Variants in DACH1 observed in about 807,000 individuals in gnomAD.
The protein encoded by DACH1 is dachshund homolog 1.
Under a neutral mutation model 54.2 loss-of-function variants are expected in DACH1, and 12 were observed. The observed-to-expected ratio is 0.22, with a 90% confidence interval of 0.14 to 0.36. DACH1 has a LOEUF of 0.36. Ranked by LOEUF, DACH1 falls within the 10% of genes least tolerant of loss-of-function variation. DACH1 has a pLI of 1.00. For missense variants in DACH1, 805 were observed against 929.8 expected (o/e 0.87, Z 1.75); for synonymous variants, 386 against 366.2 (o/e 1.05, Z -0.62).
rs903271280 is a variant in DACH1, at chr13:71,735,645, G to A, written c.849-53735C>T. On this transcript the variant is annotated intron_variant, in intron 1 of 10. Coordinates refer to ENST00000613252, the MANE Select transcript of DACH1 (RefSeq NM_080759.6). ...TGGCATATGTGTATATGGGATATAC[G>A]TGTATATATATGGGATTATATATAT... Among the ~76,000 whole-genome samples the A allele has an allele frequency of 8.4e-4, 125 of 149,700 alleles. 1 individual carries two copies. Among genetic ancestry groups the A allele is most frequent in the African/African-American group, 2.8e-3 (111 of 39,924 alleles).
intron 1 of DACH1, among the ~76,000 whole-genome samples, chr13:71,831,474 A>C (rs1408672429): frequency 6.6e-6 from 1 of 151,886 alleles, no homozygotes; most frequent in Non-Finnish European, 1.5e-5. Flanking sequence ...GTTGTCTTTC[A>C]TTAAATCATT....
At chr13:71,849,129 G>C (rs1873490836) in intron 1 of DACH1, among the ~76,000 whole-genome samples, 1 of 152,000 alleles carries the variant, frequency 6.6e-6, no homozygotes, top group African/African-American at 2.4e-5. Context: ...ATATTTTTGT[G>C]GGAAACATTT....
chr13:71,573,010 G>A lies in DACH1; in HGVS notation c.1129C>T (p.Leu377=), dbSNP rs748736362. The stretch of plus-strand genomic sequence containing the variant: ...GGCATCATCATAAAAGGAAGTTCCA[G>A]TCCTATAAAAAATGCACATATATCA... ...ENGDMNSSVG[L]ELPFMMMPHP... The change falls in exon 4 of 11, where the codon CTG becomes TTG. Residue 377 remains leucine, a splice_region_variant and synonymous_variant. Transcript: ENST00000613252. 1.2e-6 allele frequency: 2 copies of A among 1,613,058 alleles called. No homozygotes were observed. The highest frequency in any genetic ancestry group is 3.3e-5 in the Admixed American group (2 of 59,870).
intron 1 of DACH1, among the ~76,000 whole-genome samples, chr13:71,715,100 C>T (rs1882905151): frequency 6.6e-6 from 1 of 152,042 alleles, no homozygotes; most frequent in African/African-American, 2.4e-5. Flanking sequence ...CTGACTGGCC[C>T]AACAGCATGA....
chr13:71,564,473 G>GAAAAAAAAAAAAAAA (rs200872404), intron 4 of DACH1, among the ~76,000 whole-genome samples: 1 of 123,474 alleles, frequency 8.1e-6, no homozygotes, highest in Admixed American at 8.3e-5. Flanking sequence ...CTCTTTCACT[G>GAAAAAAAAAAAAAAA]AAAAAAAAAA....
intron 3 of DACH1, among the ~76,000 whole-genome samples, chr13:71,623,238 A>G (rs1326332686): frequency 2.6e-5 from 4 of 151,796 alleles, no homozygotes; most frequent in Non-Finnish European, 5.9e-5. Context: ...GATCAAAAAC[A>G]AATTATGAGA....
intron 1 of DACH1, among the ~76,000 whole-genome samples, chr13:71,781,586 G>A (rs1886382834): frequency 6.6e-6 from 1 of 151,880 alleles, no homozygotes; most frequent in East Asian, 1.9e-4. Flanking sequence ...CACCGTGTTA[G>A]CCAGGATGGT....
At chr13:71,601,598 C>A (rs1401209901) in intron 3 of DACH1, among the ~76,000 whole-genome samples, 2 of 151,850 alleles carry the variant, frequency 1.3e-5, no homozygotes, top group Non-Finnish European at 2.9e-5. Context: ...AAAATCTCTG[C>A]CCGTCTTTTT....
chr13:71,756,739 T>C (rs115156735), intron 1 of DACH1, among the ~76,000 whole-genome samples: 1,853 of 152,198 alleles, frequency 0.012, 44 homozygotes, highest in African/African-American at 0.04. Flanking sequence ...ATTCAGATTT[T>C]TAGAAGCAAA....
At chr13:71,771,052 A>C (rs189531715) in intron 1 of DACH1, among the ~76,000 whole-genome samples, 6 of 151,734 alleles carry the variant, frequency 4.0e-5, no homozygotes, top group African/African-American at 1.4e-4. Flanking sequence ...TTTTATAAGA[A>C]GCTGCTCATT....
chr13:71,716,457 A>AC (rs1249590448), intron 1 of DACH1, among the ~76,000 whole-genome samples: 1 of 152,014 alleles, frequency 6.6e-6, no homozygotes, highest in Non-Finnish European at 1.5e-5. Flanking sequence ...TGTAGTTGGA[A>AC]CCTAATTACT....
intron 2 of DACH1, among the ~76,000 whole-genome samples, chr13:71,652,529 C>G (rs1029728014): frequency 1.3e-5 from 2 of 152,154 alleles, no homozygotes; most frequent in African/African-American, 4.8e-5. Flanking sequence ...TTCAACTCAG[C>G]ATCTGATTCC....
rs1452152869 is a variant in DACH1, at chr13:71,630,682, T to TAGC, written c.997_999dup (p.Ala333dup). 6.2e-7 allele frequency: 1 copy of TAGC among 1,603,776 alleles called. No individual in the cohort carries two copies. Among genetic ancestry groups the TAGC allele is most frequent in the East Asian group, 2.2e-5 (1 of 44,564 alleles). ...ATTGCTTCAGCAATAGCTGCATTGG[T>TAGC]AGCAGCAGCAGCTGCTGCAGCGGCT... is the stretch of plus-strand genomic sequence containing the variant. On this transcript the variant is annotated inframe_insertion, in exon 3 of 11. Coordinates refer to ENST00000613252, the MANE Select transcript of DACH1 (RefSeq NM_080759.6).
intron 2 of DACH1, among the ~76,000 whole-genome samples, chr13:71,649,360 G>A (rs559243482): frequency 1.3e-5 from 2 of 152,258 alleles, no homozygotes; most frequent in South Asian, 4.2e-4. Context: ...ATGAATGGAT[G>A]AACTCTGTAC....
At chr13:71,779,249 ATAT>A (rs1886252307) in intron 1 of DACH1, among the ~76,000 whole-genome samples, 1 of 69,298 alleles carries the variant, frequency 1.4e-5, no homozygotes, top group South Asian at 3.3e-4. Context: ...ATATATACGT[ATAT>A]ACGTATATAT....
At chr13:71,664,555 G>T (rs904552085) in intron 2 of DACH1, among the ~76,000 whole-genome samples, 3 of 151,968 alleles carry the variant, frequency 2.0e-5, no homozygotes, top group Non-Finnish European at 4.4e-5. Context: ...ACTAATGACA[G>T]AATTGTGAAT....
intron 1 of DACH1, among the ~76,000 whole-genome samples, chr13:71,774,661 G>C (rs977232476): frequency 1.3e-5 from 2 of 151,994 alleles, no homozygotes; most frequent in African/African-American, 4.8e-5. Flanking sequence ...CTCATTCTTG[G>C]GTTAATCAGA....
rs1049641218 is a variant in DACH1 at position 71,497,319 on chromosome 13, T to G, written c.1571-8171A>C. On this transcript the variant is annotated intron_variant, in intron 6 of 10. Coordinates refer to ENST00000613252, the MANE Select transcript of DACH1 (RefSeq NM_080759.6). Reference sequence around the variant, plus strand: ...CGGAGGAAATTCTGTTCTTGTACCATAAGCCTGTGGTTTCTTCCTTTTTTT... The same window carrying G: ...CGGAGGAAATTCTGTTCTTGTACCAGAAGCCTGTGGTTTCTTCCTTTTTTT... 4.6e-5 allele frequency among the ~76,000 whole-genome samples: 7 copies of G among 152,142 alleles called. No homozygotes were observed. In the South Asian group the frequency reaches 1.5e-3, roughly 32 times the overall value.
chr13:71,735,377 C>G (rs1171353263), intron 1 of DACH1, among the ~76,000 whole-genome samples: 1 of 31,384 alleles, frequency 3.2e-5, no homozygotes, highest in African/African-American at 8.0e-5. Context: ...ACGGGATATA[C>G]GTGTATATGG....
Sources: gnomAD v4.1 joint callset for allele counts (sites outside exome capture counted in the v4.1 genomes callset) on GRCh38, gnomAD v4.1.1 for gene constraint, MANE v1.5 for transcripts, NCBI Gene and HGNC (gene_info 2026-07-23, HGNC 2026-07-21) for gene names.